Variants in EYS observed in about 807,000 individuals in gnomAD.
The protein encoded by EYS is EGF-like photoreceptor maintenance factor, also known as protein eyes shut homolog.
In EYS, 250 loss-of-function variants were observed where a neutral mutation model predicts 282.1. The observed-to-expected ratio is 0.89, with a 90% CI of 0.80 to 0.98. The LOEUF (loss-of-function observed/expected upper bound fraction) is 0.98. EYS is among the 50% of genes least tolerant of loss of function. The pLI, the probability that EYS is intolerant of heterozygous loss-of-function variation, is 0.00. For missense variants in EYS, 4,016 were observed against 3,709.0 expected, an observed-to-expected ratio of 1.08 and a Z score of -2.15; for synonymous variants, 1,355 against 1,282.9, an observed-to-expected ratio of 1.06 and a Z score of -1.20.
chr6:64,642,446 C>T (rs76123166), intron 22 of EYS, among the ~76,000 whole-genome samples: 1,777 of 152,226 alleles, frequency 0.012, 38 homozygotes, highest in African/African-American at 0.04. Flanking sequence ...TACTTACAAT[C>T]GATATATTCT....
intron 40 of EYS, among the ~76,000 whole-genome samples, chr6:63,769,070 T>A (rs1178068814): frequency 1.3e-5 from 2 of 151,954 alleles, no homozygotes; most frequent in African/African-American, 4.8e-5. Context: ...TGGGGACTAC[T>A]TGATGTAGGA....
intron 28 of EYS, chr6:64,412,804 T>A (rs147888128): frequency 6.6e-6 from 1 of 152,268 alleles, no homozygotes; most frequent in East Asian, 1.9e-4. Context: ...CTCTGCTTAG[T>A]GAGATTCAAC....
chr6:64,878,155 G>A (rs1382498107), intron 19 of EYS, among the ~76,000 whole-genome samples: 1 of 152,042 alleles, frequency 6.6e-6, no homozygotes, highest in Non-Finnish European at 1.5e-5. Flanking sequence ...ATTGCTTGAG[G>A]TGGAGGTTGC....
chr6:64,679,609 A>T (rs1000328531), intron 22 of EYS, among the ~76,000 whole-genome samples: 1 of 152,104 alleles, frequency 6.6e-6, no homozygotes, highest in Non-Finnish European at 1.5e-5. Context: ...ACATGACCAA[A>T]TTTCCCTTGA....
At chr6:65,333,789 CT>C (rs1486044069) in intron 11 of EYS, among the ~76,000 whole-genome samples, 8 of 151,328 alleles carry the variant, frequency 5.3e-5, no homozygotes, top group African/African-American at 1.7e-4. Flanking sequence ...TAGTTTGATT[CT>C]TTTATAATTA....
chr6:64,601,632 C>G (rs1346266427), intron 24 of EYS, among the ~76,000 whole-genome samples: 1 of 152,070 alleles, frequency 6.6e-6, no homozygotes, highest in Non-Finnish European at 1.5e-5. Context: ...GGTTTCTTCA[C>G]TCCCACTTTT....
intron 11 of EYS, among the ~76,000 whole-genome samples, chr6:65,318,834 G>A (rs2150303955): frequency 6.7e-6 from 1 of 149,458 alleles, no homozygotes; most frequent in South Asian, 2.1e-4. Context: ...TAGAGACGGG[G>A]TTTCACCATG....
intron 12 of EYS, among the ~76,000 whole-genome samples, chr6:65,058,623 A>G (rs1479555524): frequency 6.6e-6 from 1 of 150,930 alleles, no homozygotes; most frequent in African/African-American, 2.4e-5. Context: ...ATATGGAAAG[A>G]AAACAAATAA....
chr6:65,331,080 T>C (rs1769781204), intron 11 of EYS: 1 of 984,244 alleles, frequency 1.0e-6, no homozygotes, highest in Non-Finnish European at 1.2e-6. Context: ...TGTCATATGG[T>C]TCATCAGATC....
chr6:65,380,107 T>C (rs1765553712), intron 8 of EYS, among the ~76,000 whole-genome samples: 1 of 151,724 alleles, frequency 6.6e-6, no homozygotes. Flanking sequence ...TTCACAGAAC[T>C]AGAAAAAAAT....
At chr6:65,056,941 TC>T (rs924915129) in intron 13 of EYS, among the ~76,000 whole-genome samples, 103 of 151,990 alleles carry the variant, frequency 6.8e-4, no homozygotes, top group African/African-American at 2.4e-3. Context: ...AGGCAAACAA[TC>T]TTACATTTTT....
intron 7 of EYS, among the ~76,000 whole-genome samples, chr6:65,397,413 C>T (rs1766321307): frequency 6.6e-6 from 1 of 151,892 alleles, no homozygotes; most frequent in South Asian, 2.1e-4. Flanking sequence ...TATTATTTTA[C>T]CCTGTATGTC....
intron 22 of EYS, among the ~76,000 whole-genome samples, chr6:64,656,926 G>T (rs529331008): frequency 6.6e-5 from 10 of 152,308 alleles, no homozygotes; most frequent in Admixed American, 2.0e-4. Context: ...GCATGACAGA[G>T]TGAGCTAAGG....
intron 2 of EYS, among the ~76,000 whole-genome samples, chr6:65,570,636 A>T (rs1313417236): frequency 6.6e-6 from 1 of 152,182 alleles, no homozygotes; most frequent in Non-Finnish European, 1.5e-5. Context: ...TGAATCTGTT[A>T]AAACTGTCAA....
chr6:64,634,732 G>T (rs1040145823), intron 22 of EYS, among the ~76,000 whole-genome samples: 16 of 152,128 alleles, frequency 1.1e-4, no homozygotes, highest in Middle Eastern at 3.2e-3. Flanking sequence ...AAGAAAAAAT[G>T]AAGAAGGGAA....
chr6:65,346,052 C>CTT (rs1321474879), intron 9 of EYS, among the ~76,000 whole-genome samples: 1 of 151,762 alleles, frequency 6.6e-6, no homozygotes, highest in East Asian at 1.9e-4. Context: ...TACAAACAAA[C>CTT]AATTTCCGAG....
intron 26 of EYS, among the ~76,000 whole-genome samples, chr6:64,488,896 G>C (rs142277508): frequency 5.3e-5 from 8 of 150,974 alleles, no homozygotes; most frequent in African/African-American, 1.4e-4. Flanking sequence ...GTTAATACTC[G>C]TAAAGTGATT....
At chr6:64,025,729 C>T (rs1769470887) in intron 33 of EYS, among the ~76,000 whole-genome samples, 1 of 152,116 alleles carries the variant, frequency 6.6e-6, no homozygotes, top group South Asian at 2.1e-4. Context: ...ATATGGGGAG[C>T]CTCAGAAAGT....
At chr6:65,493,333 G>T (rs929183740) in intron 4 of EYS, among the ~76,000 whole-genome samples, 1 of 152,162 alleles carries the variant, frequency 6.6e-6, no homozygotes, top group Non-Finnish European at 1.5e-5. Flanking sequence ...TTAAATCCCT[G>T]CAGGTGATCT....
Sources: allele counts gnomAD v4.1 joint callset (sites outside exome capture counted in the v4.1 genomes callset), GRCh38; gene constraint gnomAD v4.1.1; transcripts MANE v1.5; gene names NCBI Gene and HGNC (gene_info 2026-07-23, HGNC 2026-07-21).